Variants in MBD5 observed in about 807,000 individuals in gnomAD.
MBD5 encodes the protein methyl-CpG binding domain protein 5.
A neutral mutation model predicts 117.3 loss-of-function variants in MBD5; 13 were observed. That is an observed-to-expected ratio of 0.11 (90% CI 0.07 to 0.18). The LOEUF (loss-of-function observed/expected upper bound fraction) is 0.18, where lower values mean the gene tolerates loss of function less well. Among genes scored for constraint, MBD5 ranks in the 10% least tolerant of loss-of-function variants. The pLI, the probability that MBD5 is intolerant of heterozygous loss-of-function variation, is 1.00. For synonymous variants in MBD5, 727 were observed against 766.4 expected (o/e 0.95, Z 0.85); for missense variants, 1,879 against 2,093.8 (o/e 0.90, Z 2.00).
intron 1 of MBD5, among the ~76,000 whole-genome samples, chr2:148,128,779 T>G (rs1457124676): frequency 6.6e-6 from 1 of 152,188 alleles, no homozygotes; most frequent in Non-Finnish European, 1.5e-5. Context: ...TGAAAATTGC[T>G]CTATCAGCAA....
chr2:148,417,935 G>C (rs1705474812), intron 4 of MBD5, among the ~76,000 whole-genome samples: 1 of 151,846 alleles, frequency 6.6e-6, no homozygotes, highest in African/African-American at 2.4e-5. Flanking sequence ...CGCCTCCTGG[G>C]CTCAAGCGAT....
intron 4 of MBD5, among the ~76,000 whole-genome samples, chr2:148,398,739 C>T (rs1436147113): frequency 2.0e-5 from 3 of 152,172 alleles, no homozygotes; most frequent in African/African-American, 7.2e-5. Context: ...TGTCTATGTC[C>T]TGAATGGTAT....
chr2:148,509,501 A>G (rs1220724082), intron 12 of MBD5, among the ~76,000 whole-genome samples: 1 of 152,218 alleles, frequency 6.6e-6, no homozygotes, highest in African/African-American at 2.4e-5. Flanking sequence ...CCTGGGGGGC[A>G]GGCTCCGGAG....
At chr2:148,411,341 A>G (rs113719840) in intron 4 of MBD5, among the ~76,000 whole-genome samples, 2,543 of 152,174 alleles carry the variant, frequency 0.017, 68 homozygotes, top group Admixed American at 0.074. Flanking sequence ...AGAATGATTT[A>G]TATTCCTTTG....
intron 3 of MBD5, among the ~76,000 whole-genome samples, chr2:148,336,261 G>C (rs575941656): frequency 6.6e-6 from 1 of 152,004 alleles, no homozygotes; most frequent in Non-Finnish European, 1.5e-5. Context: ...TCTTTTCCTG[G>C]TACCCCCACC....
At chr2:148,281,159 T>G (rs1701236043) in intron 3 of MBD5, among the ~76,000 whole-genome samples, 1 of 152,210 alleles carries the variant, frequency 6.6e-6, no homozygotes, top group Non-Finnish European at 1.5e-5. Context: ...AGACATTATC[T>G]GTGCAAACAT....
In MBD5 at chr2:148,483,489, C is replaced by T. The variant is rs1456075170; in HGVS notation, c.2898C>T (p.Asn966=). 10 of 1,613,600 alleles carry T rather than the reference C, an allele frequency of 6.2e-6. No homozygotes were observed. Among genetic ancestry groups the T allele is most frequent in the Admixed American group, 5.0e-5 (3 of 59,942 alleles). The part of the protein sequence containing the change: ...HPLGFLNPNV[N]AALAFLSSDM... Reference sequence around the variant, plus strand: ...TAGGTTTTCTCAACCCGAATGTAAACGCTGCTTTAGCTTTTCTCTCCAGTG... The same window carrying T: ...TAGGTTTTCTCAACCCGAATGTAAATGCTGCTTTAGCTTTTCTCTCCAGTG... The change falls in exon 9 of 14, where the codon AAC becomes AAT. Residue 966 remains asparagine, a synonymous_variant. Transcript: ENST00000642680.
At chr2:148,237,494 A>G (rs1324302834) in intron 3 of MBD5, among the ~76,000 whole-genome samples, 1 of 152,168 alleles carries the variant, frequency 6.6e-6, no homozygotes, top group Non-Finnish European at 1.5e-5. Context: ...AGACGGGGAA[A>G]CAGCCAGGCA....
At chr2:148,263,136 A>G (rs1168807286) in intron 3 of MBD5, among the ~76,000 whole-genome samples, 2 of 152,164 alleles carry the variant, frequency 1.3e-5, no homozygotes, top group African/African-American at 4.8e-5. Context: ...TTCTCCATAA[A>G]TTTTGTATTT....
intron 1 of MBD5, among the ~76,000 whole-genome samples, chr2:148,152,617 A>T (rs551503610): frequency 5.3e-5 from 8 of 152,092 alleles, no homozygotes; most frequent in Non-Finnish European, 7.4e-5. Context: ...ATGAATCTGG[A>T]TGCTCCTGTA....
intron 2 of MBD5, among the ~76,000 whole-genome samples, chr2:148,212,581 T>A (rs977021145): frequency 1.3e-5 from 2 of 152,148 alleles, no homozygotes; most frequent in African/African-American, 4.8e-5. Flanking sequence ...TTTTAGACAT[T>A]AAAAAGGTGT....
chr2:148,246,586 T>A (rs1310116275), intron 3 of MBD5, among the ~76,000 whole-genome samples: 4 of 151,932 alleles, frequency 2.6e-5, no homozygotes, highest in African/African-American at 4.8e-5. Context: ...CTAGCCAAGA[T>A]GGTGAAACCC....
At chr2:148,066,939 ACT>A (rs1573976215) in intron 1 of MBD5, among the ~76,000 whole-genome samples, 1 of 152,008 alleles carries the variant, frequency 6.6e-6, no homozygotes, top group South Asian at 2.1e-4. Flanking sequence ...CCAATTTTGT[ACT>A]CTCTGTCATT....
intron 1 of MBD5, among the ~76,000 whole-genome samples, chr2:148,078,203 A>G (rs1695551719): frequency 6.6e-6 from 1 of 152,188 alleles, no homozygotes; most frequent in African/African-American, 2.4e-5. Flanking sequence ...AATTTCCTTA[A>G]CAGTGAACAA....
intron 11 of MBD5, among the ~76,000 whole-genome samples, chr2:148,493,658 C>G (rs1246377080): frequency 1.3e-5 from 2 of 152,146 alleles, no homozygotes; most frequent in Non-Finnish European, 2.9e-5. Context: ...TTAGCAGACA[C>G]TGTTGGTCAT....
At chr2:148,427,608 G>T (rs1471595978) in intron 4 of MBD5, among the ~76,000 whole-genome samples, 3 of 151,960 alleles carry the variant, frequency 2.0e-5, no homozygotes, top group Non-Finnish European at 4.4e-5. Flanking sequence ...ATGGACACAG[G>T]AAGGGGAACA....
intron 3 of MBD5, among the ~76,000 whole-genome samples, chr2:148,261,689 G>A (rs1320004902): frequency 6.6e-6 from 1 of 152,230 alleles, no homozygotes; most frequent in Non-Finnish European, 1.5e-5. Context: ...ATTAACTGAA[G>A]TAGCACTTTT....
chr2:148,511,054 A>G (rs1682199044), intron 13 of MBD5, among the ~76,000 whole-genome samples: 1 of 152,126 alleles, frequency 6.6e-6, no homozygotes, highest in Non-Finnish European at 1.5e-5. Context: ...ATAAGCCATT[A>G]CCCACTTGAG....
At chr2:148,039,959 T>C (rs565597796) in intron 1 of MBD5, among the ~76,000 whole-genome samples, 1 of 152,074 alleles carries the variant, frequency 6.6e-6, no homozygotes, top group Admixed American at 6.6e-5. Flanking sequence ...TATTGTCTAG[T>C]TTGATTCAAA....
Sources: gnomAD v4.1 joint callset for allele counts (sites outside exome capture counted in the v4.1 genomes callset) on GRCh38, gnomAD v4.1.1 for gene constraint, MANE v1.5 for transcripts, NCBI Gene and HGNC (gene_info 2026-07-23, HGNC 2026-07-21) for gene names.